PSMD3: variants seen among roughly 807,000 people sequenced by gnomAD.
The protein encoded by PSMD3 is 26S proteasome non-ATPase regulatory subunit 3.
Under a neutral mutation model 62.8 loss-of-function variants are expected in PSMD3, and 5 were observed. The ratio of observed to expected loss-of-function variants is 0.08; its 90% CI spans 0.04 to 0.17. The LOEUF is 0.17. PSMD3 is among the 10% of genes least tolerant of loss of function. The pLI, the probability that PSMD3 is intolerant of heterozygous loss-of-function variation, is 1.00. For synonymous variants in PSMD3, 265 were observed against 283.9 expected (o/e 0.93, Z 0.67); for missense variants, 524 against 713.6 (o/e 0.73, Z 3.03).
chr17:39,994,095 G>C (rs1440470380), intron 6 of PSMD3: 1 of 152,150 alleles, frequency 6.6e-6, no homozygotes, highest in Non-Finnish European at 1.5e-5. Context: ...GACTCCTTAA[G>C]GCACTTCATA....
intron 5 of PSMD3, 70 bp downstream of exon 5, chr17:39,989,999 G>T: frequency 6.3e-7 from 1 of 1,575,854 alleles, no homozygotes; most frequent in Non-Finnish European, 8.6e-7. Flanking sequence ...TTTCCAAGGG[G>T]TGGTGCATAA....
In PSMD3 at chr17:39,989,724, C is replaced by T. The variant is rs768313502; in HGVS notation, c.687-15C>T. ...GTGATTTGAAGGCTTTGACATCTTT[C>T]TTTCCTTCTTGAAGCTTCTTGCATG... is the stretch of plus-strand genomic sequence containing the variant. On this transcript the variant is annotated splice_polypyrimidine_tract_variant and intron_variant, in intron 4 of 11. Coordinates refer to ENST00000264639, the MANE Select transcript of PSMD3 (RefSeq NM_002809.4). The T allele has an allele frequency of 1.9e-6, 3 of 1,606,166 alleles. No homozygotes were observed. The highest frequency in any genetic ancestry group is 1.7e-6 in the Non-Finnish European group (2 of 1,175,746).
At chr17:39,990,555 C>T (rs1402553013) in intron 6 of PSMD3, among the ~76,000 whole-genome samples, 2 of 152,144 alleles carry the variant, frequency 1.3e-5, no homozygotes, top group Admixed American at 1.3e-4. Context: ...CCTCTGCCTC[C>T]CTAAGTGCTG....
chr17:39,984,106 A>G (rs892312614), intron 1 of PSMD3, among the ~76,000 whole-genome samples, 188 bp from the exon 2 acceptor site: 6 of 147,210 alleles, frequency 4.1e-5, no homozygotes, highest in African/African-American at 5.0e-5. Flanking sequence ...AGGCTGAGGC[A>G]GGAGAATGGT....
chr17:39,984,043 C>CA (rs1156767505), intron 1 of PSMD3, among the ~76,000 whole-genome samples: 2 of 151,912 alleles, frequency 1.3e-5, no homozygotes, highest in East Asian at 1.9e-4. Flanking sequence ...ACTAAAAATA[C>CA]AAAAAATTTA....
Position 39,986,657 on chromosome 17 carries a change from C to G in PSMD3, c.494C>G (p.Ala165Gly). 6.2e-7 allele frequency: 1 copy of G among 1,614,154 alleles called. No homozygotes were observed. The highest frequency in any genetic ancestry group is 8.5e-7 in the Non-Finnish European group (1 of 1,180,032). The change falls in exon 3 of 12, where the codon GCC becomes GGC. Residue 165 changes from alanine (A) to glycine (G), a missense_variant. Physicochemically the swap from Ala to Gly is moderately conservative, Grantham distance 60. Transcript: ENST00000264639. ...ACACCCCTCCTGCCTGAAGTGGAAG[C>G]CTATCTCCAACTCCTCGTGGTCATC... ...ASTPLLPEVE[A>G]YLQLLVVIFM... is the part of the protein sequence containing the mutation.
At chr17:39,994,688 A>T (rs1259554062) in intron 6 of PSMD3, 1 of 469,774 alleles carries the variant, frequency 2.1e-6, no homozygotes. Flanking sequence ...AGAGCAGACT[A>T]CGCGCGGGGT....
chr17:39,995,016 C>T lies in PSMD3; in HGVS notation c.1044C>T (p.Phe348=), dbSNP rs1980748047. ...LLGEIPDRLQ[F]RQPSLKRSLM... is the part of the protein sequence containing the mutation. ...GGGAGATCCCTGACCGGCTGCAGTT[C>T]CGCCAGCCCTCCCTCAAGCGCTCAC... The change falls in exon 7 of 12, where the codon TTC becomes TTT. Residue 348 remains phenylalanine (F), a synonymous_variant. Coordinates refer to ENST00000264639, the MANE Select transcript of PSMD3 (RefSeq NM_002809.4). This position sits in a 1 kb window ranked among gnomAD's most constrained non-coding sequence, Gnocchi z 4.1. 6.2e-7 allele frequency: 1 copy of T among 1,614,058 alleles called. No individual in the cohort carries two copies.
chr17:39,989,058 C>G (rs940892159), intron 4 of PSMD3, among the ~76,000 whole-genome samples: 1 of 152,222 alleles, frequency 6.6e-6, no homozygotes, highest in Non-Finnish European at 1.5e-5. Flanking sequence ...CTTCACCCCA[C>G]ATCAAGGTAG....
At position 39,995,370 on chromosome 17, in the gene PSMD3, C is replaced by T. The variant is rs528124445; in HGVS notation, c.1217-54C>T. The T allele has an allele frequency of 1.2e-6, 2 of 1,613,188 alleles. No individual in the cohort carries two copies. The highest frequency in any genetic ancestry group is 2.7e-5 in the African/African-American group (2 of 74,996). ...GGCAAACCTAGTGGGTATCCTTGGG[C>T]AAGTGAAGGGTCTGTGTCCACTCTG... is the stretch of plus-strand genomic sequence containing the variant. On this transcript the variant is annotated intron_variant, in intron 8 of 11. Coordinates refer to ENST00000264639, the MANE Select transcript of PSMD3 (RefSeq NM_002809.4). The surrounding 1 kb of genome is among the most constrained non-coding windows in gnomAD (Gnocchi z 4.1).
At chr17:39,981,845 CA>C (rs11327630) in intron 1 of PSMD3, among the ~76,000 whole-genome samples, 77,844 of 151,984 alleles carry the variant, frequency 0.51, 20,360 homozygotes, top group Middle Eastern at 0.67. Flanking sequence ...TTGTAATACT[CA>C]ACCTTTGGCC....
At chr17:39,987,555 C>A (rs1255849625) in intron 3 of PSMD3, among the ~76,000 whole-genome samples, 1 of 152,122 alleles carries the variant, frequency 6.6e-6, no homozygotes, top group East Asian at 1.9e-4. Flanking sequence ...CACCTTCTTG[C>A]CAAGCTGGTC....
rs550238089 is a variant in PSMD3, at chr17:39,983,161, T to C, written c.221-1133T>C. Among the ~76,000 whole-genome samples, 484 of 152,026 alleles carry C rather than the reference T, an allele frequency of 3.2e-3. 1 individual carries two copies. The highest frequency in any genetic ancestry group is 5.2e-3 in the Non-Finnish European group (355 of 68,018). The stretch of plus-strand genomic sequence containing the variant: ...GATTCTCCTGCCTCAGCTTCCCGAG[T>C]AGCTGGGATTACGGTCACCCACCAC... On this transcript the variant is annotated intron_variant, in intron 1 of 11. Coordinates refer to ENST00000264639, the MANE Select transcript of PSMD3 (RefSeq NM_002809.4).
In PSMD3 at chr17:39,995,347, C is replaced by CAA; in HGVS notation, c.1216+54_1216+55dup. 6.2e-7 allele frequency: 1 copy of CAA among 1,613,946 alleles called. No homozygotes were observed. The highest frequency in any genetic ancestry group is 8.5e-7 in the Non-Finnish European group (1 of 1,179,862). On this transcript the variant is annotated intron_variant, in intron 8 of 11. Coordinates refer to ENST00000264639, the MANE Select transcript of PSMD3 (RefSeq NM_002809.4). This position sits in a 1 kb window ranked among gnomAD's most constrained non-coding sequence, Gnocchi z 4.1. ...TGGAGGAGCAGAAGCCAGGCCAGGG[C>CAA]AAACCTAGTGGGTATCCTTGGGCAA...
chr17:39,981,274 C>T lies in PSMD3; in HGVS notation c.220+84C>T, dbSNP rs369590533. On this transcript the variant is annotated intron_variant, in intron 1 of 11. Coordinates refer to ENST00000264639, the MANE Select transcript of PSMD3 (RefSeq NM_002809.4). The stretch of plus-strand genomic sequence containing the variant: ...TTGGCTTCTTGCTGGGAAGCCACAG[C>T]AGCCTCCACCACCCTCAGTTCTTTG... The T allele has an allele frequency of 1.1e-4, 171 of 1,532,086 alleles. 1 individual carries two copies. In the East Asian group the frequency reaches 3.0e-3, roughly 27 times the overall value. The allele number at this position is 1,532,086 out of a possible 1,614,324, so 94.9% of individuals were successfully genotyped here. A position where few individuals can be genotyped will look rare whatever the true frequency, so the allele number is the denominator to read the frequency against.
chr17:39,997,323 G>A lies in PSMD3; in HGVS notation c.1477-7G>A, dbSNP rs1402748360. 6.2e-7 allele frequency: 1 copy of A among 1,613,978 alleles called. No individual in the cohort carries two copies. Among genetic ancestry groups the A allele is most frequent in the Non-Finnish European group, 8.5e-7 (1 of 1,179,914 alleles). On this transcript the variant is annotated splice_polypyrimidine_tract_variant and splice_region_variant and intron_variant, in intron 10 of 11. Coordinates refer to ENST00000264639, the MANE Select transcript of PSMD3 (RefSeq NM_002809.4). ...CTCGCTCATCTCCTCTCTTTGCTGT[G>A]CCCCAGGCCATGAGGTTTCCTCCCA...
chr17:39,980,934 G>A lies in PSMD3; in HGVS notation c.-37G>A. ...GTGCGAGGGTTAACGCGAGGCCCCG[G>A]CCTCGGTCCCCGGACTAGGCCGTGA... is the stretch of plus-strand genomic sequence containing the variant. On this transcript the variant is annotated 5_prime_UTR_variant, in exon 1 of 12. Transcript: ENST00000264639. 1 of 1,466,680 alleles carries A rather than the reference G, an allele frequency of 6.8e-7. No individual in the cohort carries two copies. The highest frequency in any genetic ancestry group is 9.0e-7 in the Non-Finnish European group (1 of 1,112,402). The allele number at this position is 1,466,680 out of a possible 1,614,324, so 90.9% of individuals were successfully genotyped here.
At position 39,997,594 on chromosome 17, in the gene PSMD3, G is replaced by A; in HGVS notation, c.*13G>A. On this transcript the variant is annotated 3_prime_UTR_variant, in exon 12 of 12. Transcript: ENST00000264639. ...CAGCTTCCCTTGAGCTGGGGGGCTG[G>A]GGAGGGGTAGGGGGAATGGGGACAG... 6.2e-7 allele frequency: 1 copy of A among 1,610,362 alleles called. No individual in the cohort carries two copies. The highest frequency in any genetic ancestry group is 8.5e-7 in the Non-Finnish European group (1 of 1,177,222).
rs1980777539 is a variant in PSMD3 at position 39,996,130 on chromosome 17, A to G, written c.1321-53A>G. On this transcript the variant is annotated intron_variant, in intron 9 of 11. Coordinates refer to ENST00000264639, the MANE Select transcript of PSMD3 (RefSeq NM_002809.4). The surrounding 1 kb of genome is among the most constrained non-coding windows in gnomAD (Gnocchi z 5.1). ...AGCGAGACTCCATCTCAAAAAAAAAAAAAAAGAAGAAGCTGGGTGTGCTGG... is the reference window on the plus strand; with the variant it reads ...AGCGAGACTCCATCTCAAAAAAAAAGAAAAAGAAGAAGCTGGGTGTGCTGG... 2.5e-6 allele frequency: 4 copies of G among 1,607,104 alleles called. No individual in the cohort carries two copies. The African/African-American group carries it at 5.4e-5, about 22-fold the overall frequency.
Sources: allele counts gnomAD v4.1 joint callset (sites outside exome capture counted in the v4.1 genomes callset), GRCh38; gene constraint gnomAD v4.1.1; non-coding constraint Gnocchi (gnomAD v3.1); transcripts MANE v1.5; gene names NCBI Gene and HGNC (gene_info 2026-07-23, HGNC 2026-07-21).